OVCH1: variants seen among roughly 807,000 people sequenced by gnomAD.
OVCH1 encodes ovochymase-1.
Under a neutral mutation model 138.4 loss-of-function variants are expected in OVCH1, and 139 were observed. The ratio of observed to expected loss-of-function variants is 1.00; its 90% CI spans 0.87 to 1.16. The LOEUF is 1.16. Ranked by LOEUF, OVCH1 falls within the 50% of genes most tolerant of loss-of-function variation. The pLI, the probability that OVCH1 is intolerant of heterozygous loss-of-function variation, is 0.00. For missense variants in OVCH1, 1,367 were observed against 1,357.9 expected, an observed-to-expected ratio of 1.01 and a Z score of -0.11; for synonymous variants, 453 against 467.8, an observed-to-expected ratio of 0.97 and a Z score of 0.41.
chr12:29,491,075 A>G, intron 5 of OVCH1, 22 bp downstream of exon 5: 1 of 1,584,310 alleles, frequency 6.3e-7, no homozygotes, highest in Non-Finnish European at 8.7e-7. Flanking sequence ...AAGAAGTATT[A>G]AGTCATTTTG....
chr12:29,464,700 C>T (rs1942257296), exon 18 of OVCH1: 1 of 1,605,838 alleles, frequency 6.2e-7, no homozygotes, highest in Non-Finnish European at 8.5e-7. Flanking sequence ...TGGCCCTTCT[C>T]ACCTGTATCG....
intron 5 of OVCH1, 115 bp downstream of exon 5, chr12:29,490,981 AG>A: frequency 1.2e-6 from 1 of 818,442 alleles, no homozygotes; most frequent in Non-Finnish European, 1.9e-6. Flanking sequence ...TCGTTGTGTC[AG>A]AAATTAGTTA....
At chr12:29,476,749 ACGCGCG>A (rs145053170) in intron 12 of OVCH1, among the ~76,000 whole-genome samples, 205 of 17,198 alleles carry the variant, frequency 0.012, 1 homozygote, top group African/African-American at 0.02. Context: ...ATAAGTACAC[ACGCGCG>A]CACACACACA....
intron 22 of OVCH1, among the ~76,000 whole-genome samples, chr12:29,447,875 C>T (rs571113704): frequency 6.6e-6 from 1 of 151,934 alleles, no homozygotes; most frequent in African/African-American, 2.4e-5. Context: ...TGTGAAGTGC[C>T]TTCTATGTGT....
intron 26 of OVCH1, among the ~76,000 whole-genome samples, chr12:29,438,510 T>A (rs1190650947): frequency 6.6e-6 from 1 of 152,146 alleles, no homozygotes; most frequent in Admixed American, 6.5e-5. Flanking sequence ...AATATATTTT[T>A]AAATTAATTT....
chr12:29,494,972 C>T (rs1345888246), intron 4 of OVCH1, among the ~76,000 whole-genome samples: 1 of 151,916 alleles, frequency 6.6e-6, no homozygotes, highest in African/African-American at 2.4e-5. Context: ...TCCTAATTAC[C>T]CTGATTTGAT....
At chr12:29,413,758 T>C (rs1040500742) in intron 3 of OVCH1, among the ~76,000 whole-genome samples, 16 of 152,228 alleles carry the variant, frequency 1.1e-4, no homozygotes, top group African/African-American at 3.9e-4. Context: ...CTTCAGCCTA[T>C]CTGCTATCCT....
At chr12:29,496,418 C>A (rs1943418100) in intron 2 of OVCH1, 138 bp downstream of exon 2, 1 of 1,130,396 alleles carries the variant, frequency 8.8e-7, no homozygotes, top group East Asian at 2.6e-5. Flanking sequence ...AAGATAGTTC[C>A]TACGAAGTAA....
At chr12:29,486,846 T>G in intron 7 of OVCH1, 1 of 445,580 alleles carries the variant, frequency 2.2e-6, no homozygotes, top group South Asian at 1.6e-5. Context: ...CCATTTACAT[T>G]TGTTCAGGGC....
At chr12:29,473,908 G>A (rs1942602501) in intron 14 of OVCH1, among the ~76,000 whole-genome samples, 1 of 152,078 alleles carries the variant, frequency 6.6e-6, no homozygotes, top group Admixed American at 6.6e-5. Context: ...TAGCCTCCCA[G>A]CCTACATCTT....
intron 16 of OVCH1, among the ~76,000 whole-genome samples, chr12:29,470,585 A>G (rs917378055): frequency 1.3e-5 from 2 of 152,162 alleles, no homozygotes; most frequent in African/African-American, 2.4e-5. Flanking sequence ...TCCATGGTAT[A>G]TATGTGCCAC....
At chr12:29,493,191 A>G (rs1433925471) in intron 4 of OVCH1, among the ~76,000 whole-genome samples, 2 of 152,132 alleles carry the variant, frequency 1.3e-5, no homozygotes, top group Non-Finnish European at 2.9e-5. Context: ...ATGGGGCAAT[A>G]GTTTCCTCTT....
At chr12:29,426,080 T>G (rs928123976), downstream of OVCH1, 5 of 152,234 alleles carry the variant, frequency 3.3e-5, no homozygotes, top group African/African-American at 1.2e-4. Context: ...ATGATTCCCT[T>G]TATCTTTTAA....
chr12:29,428,395 A>T (rs900571727), intron 27 of OVCH1, among the ~76,000 whole-genome samples: 3 of 152,146 alleles, frequency 2.0e-5, no homozygotes, highest in Admixed American at 1.3e-4. Context: ...TTACTGAGAT[A>T]CCCCATGGTT....
rs191090772 is a variant in OVCH1 at position 29,489,460 on chromosome 12, C to T, written c.702+160G>A. ...GAGACAGGAAATAATTCTTTCTGCT[C>T]AGGTCAAGTACACTTTTTCAGTAGA... On this transcript the variant is annotated intron_variant, in intron 6 of 27. Coordinates refer to ENST00000318184, the Ensembl canonical transcript of OVCH1. 1.4e-4 allele frequency among the ~76,000 whole-genome samples: 21 copies of T among 152,192 alleles called. No homozygotes were observed. The East Asian group carries it at 2.7e-3, about 20-fold the overall frequency.
Position 29,496,690 on chromosome 12 carries a change from T to A in OVCH1, c.65-16A>T. The A allele has an allele frequency of 6.4e-7, 1 of 1,563,804 alleles. No individual in the cohort carries two copies. Among genetic ancestry groups the A allele is most frequent in the Non-Finnish European group, 8.8e-7 (1 of 1,139,316 alleles). ...CACTTCAGTCCTGTGTAGAAGAGCA[T>A]GTGTGTGTGCACACACAGAGCCTTA... On this transcript the variant is annotated splice_polypyrimidine_tract_variant and intron_variant, in intron 1 of 27. Coordinates refer to ENST00000318184, the Ensembl canonical transcript of OVCH1.
At chr12:29,452,445 C>T (rs1776704610) in intron 21 of OVCH1, among the ~76,000 whole-genome samples, 1 of 99,454 alleles carries the variant, frequency 1.0e-5, no homozygotes, top group African/African-American at 4.6e-5. Flanking sequence ...ATCTGTACAG[C>T]TACAAGAACC....
chr12:29,422,778 G>A (rs899222004), downstream of OVCH1, among the ~76,000 whole-genome samples: 2 of 152,108 alleles, frequency 1.3e-5, no homozygotes, highest in Admixed American at 6.6e-5. Context: ...TGAGGGTGAG[G>A]GGTAGCTACT....
downstream of OVCH1, among the ~76,000 whole-genome samples, chr12:29,411,900 C>T (rs370926029): frequency 3.3e-5 from 5 of 150,538 alleles, no homozygotes; most frequent in East Asian, 9.7e-4. Context: ...CTGTGCCCTG[C>T]CCCCAGAGGT....
Sources: allele counts gnomAD v4.1 joint callset (sites outside exome capture counted in the v4.1 genomes callset), GRCh38; gene constraint gnomAD v4.1.1; transcripts MANE v1.5; gene names NCBI Gene and HGNC (gene_info 2026-07-23, HGNC 2026-07-21).